The following GLRB variants were observed in gnomAD, a reference collection of about 807,000 sequenced individuals.
GLRB encodes glycine receptor beta.
A neutral mutation model predicts 54.2 loss-of-function variants in GLRB; 33 were observed. The observed-to-expected ratio is 0.61, with a 90% CI of 0.46 to 0.81. The LOEUF (loss-of-function observed/expected upper bound fraction) is 0.81. Ranked by LOEUF, GLRB falls within the 40% of genes least tolerant of loss-of-function variation. GLRB has a pLI of 0.00. For missense variants in GLRB, 572 were observed against 584.6 expected (o/e 0.98, Z 0.22); for synonymous variants, 209 against 208.2 (o/e 1.00, Z -0.03).
intron 4 of GLRB, among the ~76,000 whole-genome samples, chr4:157,127,097 T>G (rs976904210): frequency 6.6e-6 from 1 of 151,836 alleles, no homozygotes; most frequent in Admixed American, 6.6e-5. Flanking sequence ...AAATGCTTGA[T>G]TCTAGTTCTT....
intron 2 of GLRB, among the ~76,000 whole-genome samples, chr4:157,079,985 C>T (rs543142843): frequency 2.6e-5 from 4 of 152,128 alleles, no homozygotes; most frequent in Admixed American, 6.6e-5. Context: ...ACCCACCCCC[C>T]ATCCTACATC....
At chr4:157,159,241 T>C (rs988208888) in intron 9 of GLRB, among the ~76,000 whole-genome samples, 1 of 152,180 alleles carries the variant, frequency 6.6e-6, no homozygotes, top group Non-Finnish European at 1.5e-5. Context: ...GTTGAGACAA[T>C]GGGGTTTTCT....
intron 9 of GLRB, among the ~76,000 whole-genome samples, chr4:157,156,086 T>C (rs1355493304): frequency 6.6e-6 from 1 of 152,218 alleles, no homozygotes; most frequent in Non-Finnish European, 1.5e-5. Flanking sequence ...ATTCAGGCTC[T>C]TTTTTAGTTC....
rs1419774344 is a variant in GLRB at position 157,171,216 on chromosome 4, T to C, written c.*488T>C. On this transcript the variant is annotated 3_prime_UTR_variant, in exon 10 of 10. Transcript: ENST00000264428. Reference sequence around the variant, plus strand: ...TTACATATTGTTTAAACTTTGTAAGTAGAAATATATCTGTTATAATTATAC... The same window carrying C: ...TTACATATTGTTTAAACTTTGTAAGCAGAAATATATCTGTTATAATTATAC... 6.6e-6 allele frequency: 1 copy of C among 152,494 alleles called. No individual in the cohort carries two copies. Among genetic ancestry groups the C allele is most frequent in the African/African-American group, 2.4e-5 (1 of 41,446 alleles). The allele number at this position is 152,494 out of a possible 1,614,324, so 9.4% of individuals were successfully genotyped here.
intron 4 of GLRB, among the ~76,000 whole-genome samples, chr4:157,128,194 A>G (rs772932641): frequency 1.3e-5 from 2 of 151,840 alleles, no homozygotes; most frequent in African/African-American, 2.4e-5. Context: ...ATCTATATAT[A>G]TGTTTTTAGT....
intron 2 of GLRB, among the ~76,000 whole-genome samples, chr4:157,081,332 G>C (rs554734755): frequency 8.5e-5 from 13 of 152,182 alleles, no homozygotes; most frequent in African/African-American, 3.1e-4. Context: ...TCTACTCACT[G>C]TTAACTCCTA....
chr4:157,170,287 T>C, intron 9 of GLRB, 145 bp from the exon 10 acceptor site: 1 of 616,872 alleles, frequency 1.6e-6, no homozygotes, highest in Non-Finnish European at 2.9e-6. Flanking sequence ...GATGGTTTAA[T>C]CAGATAACCA....
At chr4:157,113,517 A>G (rs945594474) in intron 2 of GLRB, among the ~76,000 whole-genome samples, 1 of 152,020 alleles carries the variant, frequency 6.6e-6, no homozygotes, top group Non-Finnish European at 1.5e-5. Context: ...ATGAAGTTAA[A>G]AGTGACCAAC....
intron 3 of GLRB, among the ~76,000 whole-genome samples, chr4:157,121,672 C>T (rs1207853793): frequency 2.0e-5 from 3 of 151,274 alleles, no homozygotes; most frequent in South Asian, 4.1e-4. Context: ...GGCTAAAAGG[C>T]TAAATTCACA....
intron 9 of GLRB, among the ~76,000 whole-genome samples, chr4:157,166,107 G>A (rs1440710081): frequency 6.7e-6 from 1 of 149,868 alleles, no homozygotes; most frequent in African/African-American, 2.5e-5. Flanking sequence ...TAAAGTTGGA[G>A]GCATTAGAAA....
In GLRB at chr4:157,136,718, A is replaced by G; in HGVS notation, c.527+20A>G. 1 of 1,524,480 alleles carries G rather than the reference A, an allele frequency of 6.6e-7. No individual in the cohort carries two copies. The highest frequency in any genetic ancestry group is 9.1e-7 in the Non-Finnish European group (1 of 1,098,726). 94.4% of individuals were successfully genotyped at this position (1,524,480 alleles called of 1,614,324 possible). A position where few individuals can be genotyped will look rare whatever the true frequency, so the allele number is the denominator to read the frequency against. On this transcript the variant is annotated intron_variant, in intron 5 of 9. Coordinates refer to ENST00000264428, the MANE Select transcript of GLRB (RefSeq NM_000824.5). ...CATGAGGTACTCTTTTATATTTCAT[A>G]TTTGTGCATTTATATTTTCCTTCTA...
rs778843659 is a variant in GLRB at position 157,152,724 on chromosome 4, TCTC to T, written c.912_914del (p.Phe304_Ser305delinsLeu). On this transcript the variant is annotated inframe_deletion, in exon 9 of 10. Transcript: ENST00000264428. ...CCTCTTTCTGTTTCTGTAGGTATCT[TCTC>T]AGTCCTCAGCTTGGCCTCTGAGTGC... 1 of 1,613,198 alleles carries T rather than the reference TCTC, an allele frequency of 6.2e-7. No homozygotes were observed. Among genetic ancestry groups the T allele is most frequent in the Admixed American group, 1.7e-5 (1 of 60,000 alleles).
rs112460949 is a variant in GLRB at position 157,085,411 on chromosome 4, T to C, written c.122+7265T>C. On this transcript the variant is annotated intron_variant, in intron 2 of 9. Transcript: ENST00000264428. The stretch of plus-strand genomic sequence containing the variant: ...ATGAGCCACCATGCCCAGCCACCAT[T>C]ATTTTTAACGTATGTGTTACTATAT... 5.8e-3 allele frequency among the ~76,000 whole-genome samples: 888 copies of C among 152,290 alleles called. 10 individuals carry two copies. Among genetic ancestry groups the C allele is most frequent in the African/African-American group, 0.02 (826 of 41,554 alleles).
chr4:157,102,783 T>G (rs1016254238), intron 2 of GLRB, among the ~76,000 whole-genome samples: 1 of 152,192 alleles, frequency 6.6e-6, no homozygotes, highest in African/African-American at 2.4e-5. Flanking sequence ...GGAGGTTGTA[T>G]GCAAGCAAAC....
chr4:157,106,045 G>T (rs937689396), intron 2 of GLRB, among the ~76,000 whole-genome samples: 10 of 151,990 alleles, frequency 6.6e-5, no homozygotes, highest in Admixed American at 1.3e-4. Flanking sequence ...TTAAGTTGAA[G>T]AACTCCCTTT....
intron 2 of GLRB, among the ~76,000 whole-genome samples, chr4:157,104,071 C>T (rs143387513): frequency 6.6e-6 from 1 of 152,094 alleles, no homozygotes; most frequent in East Asian, 1.9e-4. Context: ...TCTAATTACT[C>T]TGGGTGCTAG....
At chr4:157,092,248 G>T (rs1579189596) in intron 2 of GLRB, among the ~76,000 whole-genome samples, 1 of 152,160 alleles carries the variant, frequency 6.6e-6, no homozygotes, top group East Asian at 1.9e-4. Context: ...TTCTACTTTA[G>T]AATAGATCAC....
intron 9 of GLRB, among the ~76,000 whole-genome samples, chr4:157,169,372 C>T (rs1737832757): frequency 6.6e-6 from 1 of 152,102 alleles, no homozygotes; most frequent in African/African-American, 2.4e-5. Flanking sequence ...TATTCTCAAT[C>T]ATTGGTATTA....
At chr4:157,107,088 G>A (rs1330353778) in intron 2 of GLRB, among the ~76,000 whole-genome samples, 1 of 151,878 alleles carries the variant, frequency 6.6e-6, no homozygotes, top group Non-Finnish European at 1.5e-5. Flanking sequence ...AATTGTTTTG[G>A]GGTGCCACAA....
Sources: gnomAD v4.1 joint callset for allele counts (sites outside exome capture counted in the v4.1 genomes callset) on GRCh38, gnomAD v4.1.1 for gene constraint, MANE v1.5 for transcripts, NCBI Gene and HGNC (gene_info 2026-07-23, HGNC 2026-07-21) for gene names.